Variants in KANK1 observed in about 807,000 individuals in gnomAD.
KANK1 encodes the protein KN motif and ankyrin repeat domains 1, also known as KN motif and ankyrin repeat domain-containing protein 1.
A neutral mutation model predicts 106.2 loss-of-function variants in KANK1; 109 were observed. The observed-to-expected ratio is 1.03, with a 90% CI of 0.88 to 1.20. The LOEUF is 1.20. Among genes scored for constraint, KANK1 ranks in the 50% most tolerant of loss-of-function variants. The pLI is 0.00. For missense variants in KANK1, 2,399 were observed against 1,710.7 expected (o/e 1.40, Z -7.10); for synonymous variants, 873 against 652.2 (o/e 1.34, Z -5.16).
At chr9:721,742 C>T (rs1416680259) in intron 3 of KANK1, among the ~76,000 whole-genome samples, 1 of 152,218 alleles carries the variant, frequency 6.6e-6, no homozygotes, top group Non-Finnish European at 1.5e-5. Context: ...AGGACTTTCA[C>T]TTCTTGTGGT....
chr9:602,827 C>G (rs1588157541), intron 1 of KANK1, among the ~76,000 whole-genome samples: 1 of 151,820 alleles, frequency 6.6e-6, no homozygotes, highest in Admixed American at 6.6e-5. Flanking sequence ...CAAAATAGAT[C>G]TTGTTTAGAT....
chr9:577,684 A>C (rs564203943), intron 1 of KANK1, among the ~76,000 whole-genome samples: 1 of 152,334 alleles, frequency 6.6e-6, no homozygotes, highest in East Asian at 1.9e-4. Context: ...TGGTAGAAGT[A>C]CACATTCTCA....
intron 2 of KANK1, among the ~76,000 whole-genome samples, chr9:705,803 T>C (rs1466338940): frequency 1.3e-5 from 2 of 152,102 alleles, no homozygotes; most frequent in African/African-American, 4.8e-5. Flanking sequence ...TTTCACCATG[T>C]TGGCCAGGTT....
At chr9:485,044 C>G (rs528350380) in intron 3 of KANK1, among the ~76,000 whole-genome samples, 1 of 152,320 alleles carries the variant, frequency 6.6e-6, no homozygotes, top group Admixed American at 6.5e-5. Flanking sequence ...AGTCCTAGAC[C>G]AACTTTGGTT....
chr9:524,508 T>C (rs1284282500), intron 1 of KANK1, among the ~76,000 whole-genome samples: 1 of 151,664 alleles, frequency 6.6e-6, no homozygotes. Context: ...ATGTCACTTA[T>C]TGTGGGGTTT....
intron 3 of KANK1, among the ~76,000 whole-genome samples, chr9:485,913 A>G (rs2058286822): frequency 6.6e-6 from 1 of 151,524 alleles, no homozygotes; most frequent in Non-Finnish European, 1.5e-5. Context: ...AGAGAGATGT[A>G]GAGAAGCTGA....
chr9:561,051 G>A (rs1816287241), intron 1 of KANK1, among the ~76,000 whole-genome samples: 1 of 152,084 alleles, frequency 6.6e-6, no homozygotes, highest in Non-Finnish European at 1.5e-5. Flanking sequence ...TACCTCCGAG[G>A]GCTTGTTTTC....
chr9:713,826 C>G (rs1826917444), intron 3 of KANK1, among the ~76,000 whole-genome samples: 1 of 152,214 alleles, frequency 6.6e-6, no homozygotes, highest in African/African-American at 2.4e-5. Flanking sequence ...AAATCCTACC[C>G]TGTTTGTACC....
chr9:683,689 C>A (rs148755415), intron 2 of KANK1, among the ~76,000 whole-genome samples: 1 of 152,316 alleles, frequency 6.6e-6, no homozygotes, highest in East Asian at 1.9e-4. Flanking sequence ...AACGTCCTCC[C>A]TGATAGGGAT....
intron 1 of KANK1, among the ~76,000 whole-genome samples, chr9:523,230 C>T (rs1451864743): frequency 1.3e-5 from 2 of 151,670 alleles, no homozygotes; most frequent in Admixed American, 1.3e-4. Flanking sequence ...TTCTTATTTC[C>T]CCCAAACTCC....
At position 705,379 on chromosome 9, in the gene KANK1, G is replaced by C. The variant is rs180833789; in HGVS notation, c.38-5425G>C. Among the ~76,000 whole-genome samples, 421 of 152,172 alleles carry C rather than the reference G, an allele frequency of 2.8e-3. 4 individuals are homozygous for C. Among genetic ancestry groups the C allele is most frequent in the African/African-American group, 9.6e-3 (398 of 41,542 alleles). On this transcript the variant is annotated intron_variant, in intron 2 of 11. Coordinates refer to ENST00000382297, the MANE Select transcript of KANK1 (RefSeq NM_015158.5). ...CACACGCCTGTAATCCCAGCTCCTC[G>C]GGAGGACGAGGCAGGAGAATCCCTT...
At chr9:744,674 C>T in intron 11 of KANK1, 85 bp downstream of exon 11, 1 of 1,610,458 alleles carries the variant, frequency 6.2e-7, no homozygotes, top group Non-Finnish European at 8.5e-7. Flanking sequence ...TGACGGGAGA[C>T]AGATTTTATG....
chr9:600,893 T>C (rs62531538), intron 1 of KANK1, among the ~76,000 whole-genome samples: 43,197 of 151,640 alleles, frequency 0.28, 6,664 homozygotes, highest in Admixed American at 0.37. Flanking sequence ...CTGAAAAGTT[T>C]AGTTATCCAA....
At chr9:514,041 A>T (rs2059149429) in intron 1 of KANK1, among the ~76,000 whole-genome samples, 1 of 151,124 alleles carries the variant, frequency 6.6e-6, no homozygotes, top group African/African-American at 2.5e-5. Flanking sequence ...ATGAAACATA[A>T]ATACTGTATT....
intron 3 of KANK1, among the ~76,000 whole-genome samples, chr9:478,640 A>G (rs758357269): frequency 2.6e-5 from 4 of 152,196 alleles, no homozygotes; most frequent in Non-Finnish European, 5.9e-5. Flanking sequence ...TGCCACCCCA[A>G]TATACCAAGA....
chr9:493,353 G>A (rs1587248432), intron 3 of KANK1, among the ~76,000 whole-genome samples: 1 of 152,058 alleles, frequency 6.6e-6, no homozygotes, highest in East Asian at 1.9e-4. Flanking sequence ...TTAGAAGAGT[G>A]AAGAAGCCTT....
chr9:500,289 C>T (rs1321743260), upstream of KANK1, among the ~76,000 whole-genome samples: 3 of 152,166 alleles, frequency 2.0e-5, no homozygotes, highest in Non-Finnish European at 2.9e-5. Flanking sequence ...AAACAAGTGA[C>T]ATGTCAGCTA....
chr9:546,803 A>C (rs2060961776), intron 1 of KANK1, among the ~76,000 whole-genome samples: 1 of 152,096 alleles, frequency 6.6e-6, no homozygotes, highest in African/African-American at 2.4e-5. Flanking sequence ...GTACGGGCTA[A>C]TCTAAAGTAG....
intron 3 of KANK1, among the ~76,000 whole-genome samples, chr9:493,028 C>CA (rs112780058): frequency 0.014 from 1,386 of 98,488 alleles, 21 homozygotes; most frequent in African/African-American, 0.03. Flanking sequence ...AACTCCGTCT[C>CA]AAAAAAAAAA....
Sources: allele counts gnomAD v4.1 joint callset (sites outside exome capture counted in the v4.1 genomes callset), GRCh38; gene constraint gnomAD v4.1.1; transcripts MANE v1.5; gene names NCBI Gene and HGNC (gene_info 2026-07-23, HGNC 2026-07-21).